The following MACROD1 variants were observed in gnomAD, a reference collection of about 807,000 sequenced individuals.
MACROD1 encodes the protein ADP-ribose glycohydrolase MACROD1.
MACROD1 carries 31 observed loss-of-function variants against 41.4 expected under a neutral mutation model. That is an observed-to-expected ratio of 0.75 (90% confidence interval 0.56 to 1.01). MACROD1 has a LOEUF of 1.01. Among genes scored for constraint, MACROD1 ranks in the 50% least tolerant of loss-of-function variants. MACROD1 has a pLI of 0.00. For synonymous variants in MACROD1, 252 were observed against 203.4 expected, an observed-to-expected ratio of 1.24 and a Z score of -2.03; for missense variants, 473 against 460.0, an observed-to-expected ratio of 1.03 and a Z score of -0.26.
At chr11:64,112,107 A>G (rs1944873316) in intron 3 of MACROD1, among the ~76,000 whole-genome samples, 1 of 152,240 alleles carries the variant, frequency 6.6e-6, no homozygotes, top group Non-Finnish European at 1.5e-5. Context: ...CGAGTCCATC[A>G]CAGTTTCTCC....
chr11:64,161,571 C>A lies in MACROD1; in HGVS notation c.298+4126G>T, dbSNP rs1351156449. Among the ~76,000 whole-genome samples, 3 of 152,220 alleles carry A rather than the reference C, an allele frequency of 2.0e-5. No individual in the cohort carries two copies. In the East Asian group the frequency reaches 5.8e-4, roughly 29 times the overall value. ...GTGTAGCAGTCTTCAAGGGCCACGGCTCAGACCCTAATCAAAGGCAGAGTC... is the reference window on the plus strand; with the variant it reads ...GTGTAGCAGTCTTCAAGGGCCACGGATCAGACCCTAATCAAAGGCAGAGTC... On this transcript the variant is annotated intron_variant, in intron 1 of 10. Coordinates refer to ENST00000255681, the MANE Select transcript of MACROD1 (RefSeq NM_014067.4).
chr11:64,102,154 G>A (rs1401451942), intron 3 of MACROD1, among the ~76,000 whole-genome samples: 2 of 152,230 alleles, frequency 1.3e-5, no homozygotes, highest in African/African-American at 2.4e-5. Flanking sequence ...TCAAACCAGA[G>A]TGAGCACTCT....
At position 64,057,135 on chromosome 11, in the gene MACROD1, C is replaced by T. The variant is rs138373439; in HGVS notation, c.518-41854G>A. ...TGTTCATCGGCTCCCTAAGTGCTTG[C>T]TGGACCCGGGTGCCCCTGTGCCACT... On this transcript the variant is annotated intron_variant, in intron 3 of 10. Coordinates refer to ENST00000255681, the MANE Select transcript of MACROD1 (RefSeq NM_014067.4). 4.1e-3 allele frequency among the ~76,000 whole-genome samples: 625 copies of T among 152,354 alleles called. 4 individuals are homozygous for T. The highest frequency in any genetic ancestry group is 0.012 in the African/African-American group (506 of 41,598).
chr11:64,165,891 G>C lies in MACROD1; in HGVS notation c.104C>G (p.Thr35Arg). ...ACCGCACGTGCTGCTGCGGGTCCTC[G>C]TGGCACCCGCCAAGTGTCCGGGCCG... ...RPRPGHLAGA[T>R]RTRSSTCGPP... The change falls in exon 1 of 11, where the codon ACG (threonine) becomes AGG (arginine). Residue 35 changes from threonine (T) to arginine (R), a missense_variant. Coordinates refer to ENST00000255681, the MANE Select transcript of MACROD1 (RefSeq NM_014067.4). 3.6e-6 allele frequency: 5 copies of C among 1,390,598 alleles called. No homozygotes were observed. The highest frequency in any genetic ancestry group is 4.6e-6 in the Non-Finnish European group (5 of 1,077,212). The allele number at this position is 1,390,598 out of a possible 1,614,324, so 86.1% of individuals were successfully genotyped here. A position where few individuals can be genotyped will look rare whatever the true frequency, so the allele number is the denominator to read the frequency against.
intron 3 of MACROD1, among the ~76,000 whole-genome samples, chr11:64,107,081 G>A (rs766510059): frequency 1.3e-5 from 2 of 151,812 alleles, no homozygotes; most frequent in Admixed American, 6.6e-5. Context: ...ACAGAGTTTC[G>A]CCATGTTGAC....
intron 4 of MACROD1, among the ~76,000 whole-genome samples, chr11:64,008,553 G>A (rs1942952292): frequency 1.3e-5 from 2 of 152,134 alleles, no homozygotes; most frequent in African/African-American, 4.8e-5. Context: ...GAGGGCAGAG[G>A]AGCGCTCGGG....
At chr11:64,123,401 C>G (rs1191187548) in intron 3 of MACROD1, among the ~76,000 whole-genome samples, 1 of 152,212 alleles carries the variant, frequency 6.6e-6, no homozygotes, top group African/African-American at 2.4e-5. Context: ...CGTTTACAAC[C>G]AAGCAAGTCT....
chr11:64,096,160 G>A lies in MACROD1; in HGVS notation c.517+55079C>T, dbSNP rs529273998. 1.4e-3 allele frequency among the ~76,000 whole-genome samples: 220 copies of A among 152,372 alleles called. No individual in the cohort carries two copies. Among genetic ancestry groups the A allele is most frequent in the African/African-American group, 4.9e-3 (205 of 41,598 alleles). Reference sequence around the variant, plus strand: ...GGCCAGGAGGGGACCAGGGCTGCCCGCCGGCTCCACCACCTGCCTTGGCCA... The same window carrying A: ...GGCCAGGAGGGGACCAGGGCTGCCCACCGGCTCCACCACCTGCCTTGGCCA... On this transcript the variant is annotated intron_variant, in intron 3 of 10. Coordinates refer to ENST00000255681, the MANE Select transcript of MACROD1 (RefSeq NM_014067.4). The surrounding 1 kb of genome is among the most constrained non-coding windows in gnomAD (Gnocchi z 4.6).
At chr11:64,141,269 G>A (rs1014870698) in intron 3 of MACROD1, among the ~76,000 whole-genome samples, 3 of 152,208 alleles carry the variant, frequency 2.0e-5, no homozygotes, top group East Asian at 1.9e-4. Flanking sequence ...CACCAGGCCC[G>A]GCCAGGACTC....
chr11:64,120,022 G>A lies in MACROD1; in HGVS notation c.517+31217C>T, dbSNP rs1945070191. On this transcript the variant is annotated intron_variant, in intron 3 of 10. Transcript: ENST00000255681. The surrounding 1 kb of genome is among the most constrained non-coding windows in gnomAD (Gnocchi z 4.5). The stretch of plus-strand genomic sequence containing the variant: ...CTGGTCCGAGGGCAGGAGGATGAGA[G>A]GGCTGGGAGCGCCTGGTGGTGCTAT... 6.6e-6 allele frequency among the ~76,000 whole-genome samples: 1 copy of A among 152,202 alleles called. No homozygotes were observed. The highest frequency in any genetic ancestry group is 2.4e-5 in the African/African-American group (1 of 41,460).
At chr11:64,114,478 G>T (rs1327284883) in intron 3 of MACROD1, among the ~76,000 whole-genome samples, 2 of 127,368 alleles carry the variant, frequency 1.6e-5, no homozygotes, top group Non-Finnish European at 3.3e-5. Context: ...GATGGATGGA[G>T]GGATGGTTGA....
intron 3 of MACROD1, among the ~76,000 whole-genome samples, chr11:64,044,241 C>T (rs186272225): frequency 6.6e-6 from 1 of 151,870 alleles, no homozygotes; most frequent in African/African-American, 2.4e-5. Context: ...GTTGGCAGTT[C>T]CCCCAACAAC....
intron 3 of MACROD1, among the ~76,000 whole-genome samples, chr11:64,140,912 A>G (rs1446795383): frequency 6.6e-6 from 1 of 152,192 alleles, no homozygotes; most frequent in Non-Finnish European, 1.5e-5. Flanking sequence ...AGGCAGGAGG[A>G]TCACTTGAGC....
intron 3 of MACROD1, chr11:64,103,057 G>A (rs1323109860): frequency 1.3e-5 from 2 of 151,096 alleles, no homozygotes; most frequent in Non-Finnish European, 2.9e-5. Flanking sequence ...GCGACAGAGC[G>A]AGACTCCATC....
intron 3 of MACROD1, among the ~76,000 whole-genome samples, chr11:64,018,894 G>T (rs1201242931): frequency 1.3e-5 from 2 of 152,204 alleles, no homozygotes; most frequent in African/African-American, 4.8e-5. Flanking sequence ...GTGGCTTCAG[G>T]CGGGCAGTGG....
At chr11:64,076,082 C>G (rs2134475019) in intron 3 of MACROD1, among the ~76,000 whole-genome samples, 1 of 152,320 alleles carries the variant, frequency 6.6e-6, no homozygotes, top group Admixed American at 6.5e-5. Flanking sequence ...TGGATCCAGC[C>G]TGCAGCCAGA....
intron 3 of MACROD1, among the ~76,000 whole-genome samples, chr11:64,150,316 C>T (rs146471901): frequency 8.5e-5 from 13 of 152,326 alleles, no homozygotes; most frequent in Non-Finnish European, 1.8e-4. Flanking sequence ...CCGCTACAAG[C>T]GCAAAGTGGG....
intron 3 of MACROD1, among the ~76,000 whole-genome samples, chr11:64,145,409 G>A (rs371230854): frequency 2.0e-5 from 3 of 152,176 alleles, no homozygotes; most frequent in Non-Finnish European, 4.4e-5. Context: ...AGTAGCTCTC[G>A]CTCCTGACTT....
chr11:64,101,501 T>C (rs1483380188), intron 3 of MACROD1, among the ~76,000 whole-genome samples: 9 of 152,116 alleles, frequency 5.9e-5, no homozygotes, highest in Admixed American at 5.2e-4. Flanking sequence ...GCAATCATCC[T>C]CTCAAAATGC....
Sources: allele counts gnomAD v4.1 joint callset (sites outside exome capture counted in the v4.1 genomes callset), GRCh38; gene constraint gnomAD v4.1.1; non-coding constraint Gnocchi (gnomAD v3.1); transcripts MANE v1.5; gene names NCBI Gene and HGNC (gene_info 2026-07-23, HGNC 2026-07-21).